The following DHX35 variants were observed in gnomAD, a reference collection of about 807,000 sequenced individuals.
DHX35 encodes the protein DEAH-box helicase 35.
DHX35 carries 84 observed loss-of-function variants against 99.6 expected under a neutral mutation model. That is an observed-to-expected ratio of 0.84 (90% CI 0.71 to 1.01). The LOEUF (loss-of-function observed/expected upper bound fraction) is 1.01. Among genes scored for constraint, DHX35 ranks in the 50% least tolerant of loss-of-function variants. DHX35 has a pLI of 0.00. For missense variants in DHX35, 852 were observed against 888.5 expected, an observed-to-expected ratio of 0.96 and a Z score of 0.52; for synonymous variants, 331 against 316.2, an observed-to-expected ratio of 1.05 and a Z score of -0.50.
At chr20:38,973,815 T>C (rs986886013) in intron 3 of DHX35, among the ~76,000 whole-genome samples, 1 of 152,230 alleles carries the variant, frequency 6.6e-6, no homozygotes, top group Non-Finnish European at 1.5e-5. Flanking sequence ...TGAACAGTTT[T>C]GACAGAGACC....
chr20:39,025,441 G>A lies in DHX35; in HGVS notation c.1801+82G>A, dbSNP rs929804100. The A allele has an allele frequency of 3.9e-6, 6 of 1,537,172 alleles. No individual in the cohort carries two copies. In the African/African-American group the frequency reaches 8.2e-5, roughly 21 times the overall value. ...TTCCTAAAGTTCTCATGCTGGGCTG[G>A]TGCGAGGCAGTGTGGCGTGCTCTGT... is the stretch of plus-strand genomic sequence containing the variant. On this transcript the variant is annotated intron_variant, in intron 18 of 21. Transcript: ENST00000252011.
At chr20:38,998,160 A>C (rs1601406006) in intron 8 of DHX35, among the ~76,000 whole-genome samples, 1 of 152,354 alleles carries the variant, frequency 6.6e-6, no homozygotes, top group East Asian at 1.9e-4. Flanking sequence ...ACTGGATATA[A>C]TTATGAAGTA....
At chr20:38,982,517 C>T (rs553596406) in intron 3 of DHX35, among the ~76,000 whole-genome samples, 44 of 152,238 alleles carry the variant, frequency 2.9e-4, no homozygotes, top group African/African-American at 1.0e-3. Context: ...TATTTGTCTT[C>T]TGGGTGTTTA....
rs1336131935 is a variant in DHX35, at chr20:38,983,759, A to G, written c.328A>G (p.Arg110Gly). ...GRVVGVTQPRRVAAVTVAGRV... is the reference protein window; with the variant it reads ...GRVVGVTQPRGVAAVTVAGRV... ...AGTGGTAGGAGTGACCCAGCCTCGA[A>G]GAGTGGCTGCTGTTACAGTGAGTTT... Residue 110 changes from arginine to glycine, a missense_variant, in exon 4 of 22, where the codon AGA (arginine) becomes GGA (glycine). Arg to Gly is a moderately radical substitution (Grantham distance 125, BLOSUM62 -2). Transcript: ENST00000252011. 12 of 1,613,842 alleles carry G rather than the reference A, an allele frequency of 7.4e-6. No individual in the cohort carries two copies. The highest frequency in any genetic ancestry group is 1.0e-5 in the Non-Finnish European group (12 of 1,179,920).
intron 14 of DHX35, among the ~76,000 whole-genome samples, chr20:39,017,147 T>G (rs1358323225): frequency 6.6e-6 from 1 of 152,156 alleles, no homozygotes; most frequent in Non-Finnish European, 1.5e-5. Context: ...TCTCCTAGGT[T>G]TTATAGTTTT....
At chr20:39,028,241 G>A (rs974540275) in intron 18 of DHX35, among the ~76,000 whole-genome samples, 177 bp from the exon 19 acceptor site, 1 of 152,180 alleles carries the variant, frequency 6.6e-6, no homozygotes, top group Non-Finnish European at 1.5e-5. Context: ...TCCTTAGATG[G>A]TGCTGGGGCA....
intron 1 of DHX35, among the ~76,000 whole-genome samples, chr20:38,966,060 C>G (rs1235407094): frequency 6.6e-6 from 1 of 152,138 alleles, no homozygotes; most frequent in Non-Finnish European, 1.5e-5. Flanking sequence ...TTAAAAAGTG[C>G]TGGTATGACA....
chr20:38,969,383 T>G (rs1214655006), intron 2 of DHX35, among the ~76,000 whole-genome samples, 169 bp downstream of exon 2: 1 of 152,242 alleles, frequency 6.6e-6, no homozygotes, highest in Non-Finnish European at 1.5e-5. Flanking sequence ...GTTAACCTTA[T>G]AAATCTTGAA....
chr20:39,010,416 C>G lies in DHX35; in HGVS notation c.1347+12C>G. On this transcript the variant is annotated intron_variant, in intron 13 of 21. Transcript: ENST00000252011. ...TCCACTTCATGTCGGTAAGTCCTGC[C>G]TGCTGTCTGGGGCCATAGGGAGGCT... 2 of 1,613,734 alleles carry G rather than the reference C, an allele frequency of 1.2e-6. No homozygotes were observed. The highest frequency in any genetic ancestry group is 1.7e-6 in the Non-Finnish European group (2 of 1,179,782).
chr20:39,034,207 G>T lies in DHX35; in HGVS notation c.1957G>T (p.Val653Phe). Reference protein sequence around the residue: ...VLYAEKPPRWVIYNEVIQTSK... With the variant: ...VLYAEKPPRWFIYNEVIQTSK... ...GCTCATGTTTCTTTCTCATTTCAGG[G>T]TCATCTATAACGAAGTTATACAGAC... Residue 653 changes from valine (V) to phenylalanine (F), a missense_variant and splice_region_variant, in exon 21 of 22, where the codon GTC (valine) becomes TTC (phenylalanine). By Grantham distance (50) the Val-to-Phe change is conservative (BLOSUM62 -1). Coordinates refer to ENST00000252011, the MANE Select transcript of DHX35 (RefSeq NM_021931.4). 6.2e-7 allele frequency: 1 copy of T among 1,610,624 alleles called. No individual in the cohort carries two copies. The highest frequency in any genetic ancestry group is 8.5e-7 in the Non-Finnish European group (1 of 1,177,262).
intron 5 of DHX35, among the ~76,000 whole-genome samples, 186 bp downstream of exon 5, chr20:38,989,103 T>C (rs889764798): frequency 1.1e-4 from 16 of 147,950 alleles, no homozygotes; most frequent in Non-Finnish European, 2.3e-4. Context: ...TTTTCTTTTT[T>C]TTTTTTTTTT....
chr20:38,991,454 T>G lies in DHX35; in HGVS notation c.451T>G (p.Phe151Val). ...AAAGCTTTGTGTTTTTATTTTTTAGTTTCTTACTGATGGAATGCTGGTCAG... is the reference window on the plus strand; with the variant it reads ...AAAGCTTTGTGTTTTTATTTTTTAGGTTCTTACTGATGGAATGCTGGTCAG... ...CTDQLATRIKFLTDGMLVREM... is the reference protein window; with the variant it reads ...CTDQLATRIKVLTDGMLVREM... The change falls in exon 6 of 22, where the codon TTT (phenylalanine) becomes GTT (valine). Residue 151 changes from phenylalanine (F) to valine (V), a missense_variant and splice_region_variant. Coordinates refer to ENST00000252011, the MANE Select transcript of DHX35 (RefSeq NM_021931.4). 3 of 1,612,536 alleles carry G rather than the reference T, an allele frequency of 1.9e-6. No individual in the cohort carries two copies. Among genetic ancestry groups the G allele is most frequent in the Non-Finnish European group, 2.5e-6 (3 of 1,179,398 alleles).
intron 8 of DHX35, among the ~76,000 whole-genome samples, chr20:38,995,820 G>A (rs529379280): frequency 1.3e-5 from 2 of 152,282 alleles, no homozygotes; most frequent in Admixed American, 6.5e-5. Context: ...ATGGACAGCC[G>A]TTTTCCAGAT....
chr20:38,995,747 A>T (rs1333021159), intron 8 of DHX35, among the ~76,000 whole-genome samples: 3 of 151,738 alleles, frequency 2.0e-5, no homozygotes, highest in African/African-American at 4.8e-5. Flanking sequence ...CCTTAACTCC[A>T]GCCAGCTGGG....
rs571547037 is a variant in DHX35, at chr20:38,981,875, C to T, written c.268-1824C>T. ...AGGAGAATTGCTTAAACCCAGAAGT[C>T]GGAGGTTGCAGTGAGCCGAGATCAC... On this transcript the variant is annotated intron_variant, in intron 3 of 21. Coordinates refer to ENST00000252011, the MANE Select transcript of DHX35 (RefSeq NM_021931.4). Among the ~76,000 whole-genome samples, 6 of 143,078 alleles carry T rather than the reference C, an allele frequency of 4.2e-5. No individual in the cohort carries two copies. The South Asian group carries it at 6.4e-4, about 15-fold the overall frequency. The allele number at this position is 143,078 out of a possible 152,430, so 93.9% of individuals were successfully genotyped here.
intron 15 of DHX35, among the ~76,000 whole-genome samples, chr20:39,020,135 T>G (rs1388371866): frequency 6.6e-6 from 1 of 152,256 alleles, no homozygotes; most frequent in Non-Finnish European, 1.5e-5. Flanking sequence ...ACATTTTCTT[T>G]CTTCATTCAT....
chr20:38,966,354 A>G (rs2085910591), intron 1 of DHX35, among the ~76,000 whole-genome samples: 1 of 152,234 alleles, frequency 6.6e-6, no homozygotes, highest in Non-Finnish European at 1.5e-5. Context: ...TATACTGTTT[A>G]TCAACTGACA....
chr20:39,006,251 G>T lies in DHX35; in HGVS notation c.1117G>T (p.Ala373Ser). The T allele has an allele frequency of 1.2e-6, 2 of 1,614,172 alleles. No homozygotes were observed. Among genetic ancestry groups the T allele is most frequent in the Non-Finnish European group, 1.7e-6 (2 of 1,180,018 alleles). ...ACTCCGAGCCTACAATCCCAGGACA[G>T]CTATTGAATGCTTGGTGGTGGTGCC... ...VKLRAYNPRT[A>S]IECLVVVPVS... is the part of the protein sequence containing the mutation. The change falls in exon 12 of 22, where the codon GCT (alanine) becomes TCT (serine). Residue 373 changes from alanine to serine, a missense_variant. Transcript: ENST00000252011.
intron 1 of DHX35, among the ~76,000 whole-genome samples, chr20:38,967,337 T>C (rs1464410749): frequency 2.0e-5 from 3 of 152,214 alleles, no homozygotes; most frequent in Non-Finnish European, 4.4e-5. Flanking sequence ...TAGGAGATGA[T>C]GGTTATTGGT....
Sources: allele counts gnomAD v4.1 joint callset (sites outside exome capture counted in the v4.1 genomes callset), GRCh38; gene constraint gnomAD v4.1.1; transcripts MANE v1.5; gene names NCBI Gene and HGNC (gene_info 2026-07-23, HGNC 2026-07-21).